Variants in NPR3 observed in about 807,000 individuals in gnomAD.
NPR3 encodes the protein natriuretic peptide receptor 3, also known as atrial natriuretic peptide receptor 3.
A neutral mutation model predicts 54.5 loss-of-function variants in NPR3; 34 were observed. That is an observed-to-expected ratio of 0.62 (90% CI 0.47 to 0.83). The LOEUF is 0.83. Ranked by LOEUF, NPR3 falls within the 40% of genes least tolerant of loss-of-function variation. The probability of loss-of-function intolerance (pLI) is 0.00; values close to 1 mark genes in which losing one functional copy is unlikely to be tolerated. For missense variants in NPR3, 674 were observed against 720.8 expected, an observed-to-expected ratio of 0.94 and a Z score of 0.74; for synonymous variants, 289 against 297.1, an observed-to-expected ratio of 0.97 and a Z score of 0.28.
At chr5:32,706,711 T>G (rs1409098588), upstream of NPR3, among the ~76,000 whole-genome samples, 1 of 152,234 alleles carries the variant, frequency 6.6e-6, no homozygotes, top group Non-Finnish European at 1.5e-5. Flanking sequence ...ATCTACCTTA[T>G]AGTCCTGATT....
chr5:32,790,473 T>G lies in NPR3; in HGVS notation c.*4128T>G, dbSNP rs1742852786. The G allele has an allele frequency of 6.0e-6, 1 of 166,956 alleles. No individual in the cohort carries two copies. The allele number at this position is 166,956 out of a possible 1,614,324, so 10.3% of individuals were successfully genotyped here. On this transcript the variant is annotated 3_prime_UTR_variant, in exon 8 of 8. Transcript: ENST00000265074. ...GGGAAGAAAGAGAAACTAGTGCTGG[T>G]TTTAAGAATGTAGCTGGCTTTTCAT...
upstream of NPR3, chr5:32,710,787 A>C (rs1241575781): frequency 4.6e-6 from 7 of 1,536,680 alleles, no homozygotes; most frequent in South Asian, 8.5e-5. Context: ...GAGAAAGGTG[A>C]GAGCAAGCGG....
At chr5:32,693,976 T>C (rs1740463624) in intron 1 of NPR3, among the ~76,000 whole-genome samples, 4 of 152,198 alleles carry the variant, frequency 2.6e-5, no homozygotes, top group Admixed American at 2.6e-4. Context: ...CCACTTTTAT[T>C]TTCACCCTTT....
chr5:32,749,829 T>C (rs776968336), intron 3 of NPR3, among the ~76,000 whole-genome samples: 1 of 152,196 alleles, frequency 6.6e-6, no homozygotes, highest in Non-Finnish European at 1.5e-5. Flanking sequence ...AACTAACGCC[T>C]TTTGCCTGGA....
intron 4 of NPR3, among the ~76,000 whole-genome samples, chr5:32,778,538 G>T (rs944913868): frequency 1.3e-5 from 2 of 152,198 alleles, no homozygotes; most frequent in Non-Finnish European, 2.9e-5. Context: ...TAAATGGCCT[G>T]GGAAGAAGCT....
chr5:32,719,940 T>C (rs1222307062), intron 1 of NPR3, among the ~76,000 whole-genome samples: 1 of 152,190 alleles, frequency 6.6e-6, no homozygotes, highest in African/African-American at 2.4e-5. Context: ...CTCTTTTCCT[T>C]CTAAATTTGT....
At chr5:32,757,584 C>T (rs1740914518) in intron 3 of NPR3, among the ~76,000 whole-genome samples, 1 of 152,064 alleles carries the variant, frequency 6.6e-6, no homozygotes, top group Non-Finnish European at 1.5e-5. Context: ...TAATTGAATA[C>T]CCTTTATTTC....
At chr5:32,724,080 T>C (rs1187734844) in intron 1 of NPR3, among the ~76,000 whole-genome samples, 2 of 152,208 alleles carry the variant, frequency 1.3e-5, no homozygotes, top group Non-Finnish European at 2.9e-5. Flanking sequence ...TTTACTTACA[T>C]AACCACAGCA....
chr5:32,757,207 T>C (rs1434175083), intron 3 of NPR3, among the ~76,000 whole-genome samples: 1 of 152,238 alleles, frequency 6.6e-6, no homozygotes, highest in Non-Finnish European at 1.5e-5. Flanking sequence ...TGTGGCCATT[T>C]TCACGATATT....
At chr5:32,718,552 G>T (rs1738677370) in intron 1 of NPR3, among the ~76,000 whole-genome samples, 2 of 152,114 alleles carry the variant, frequency 1.3e-5, no homozygotes, top group African/African-American at 4.8e-5. Context: ...AGTTGCTGAA[G>T]AGGTCCTTCA....
rs1742868168 is a variant in NPR3, at chr5:32,790,745, G to T, written c.*4400G>T. On this transcript the variant is annotated 3_prime_UTR_variant, in exon 8 of 8. Transcript: ENST00000265074. ...ACCAAATGCAAAGTATTCTAAACCA[G>T]CTGATGCTGTCAGTGTTCAAGTTTT... 6.0e-6 allele frequency: 1 copy of T among 167,000 alleles called. No individual in the cohort carries two copies. The highest frequency in any genetic ancestry group is 2.4e-5 in the African/African-American group (1 of 41,448). 10.3% of individuals were successfully genotyped at this position (167,000 alleles called of 1,614,324 possible). A position where few individuals can be genotyped will look rare whatever the true frequency, so the allele number is the denominator to read the frequency against.
upstream of NPR3, among the ~76,000 whole-genome samples, chr5:32,707,247 A>G (rs922564889): frequency 1.3e-5 from 2 of 152,188 alleles, no homozygotes; most frequent in Non-Finnish European, 2.9e-5. Flanking sequence ...AGAACCCCTT[A>G]AGGTCACATT....
At position 32,718,278 on chromosome 5, in the gene NPR3, C is replaced by T. The variant is rs549729881; in HGVS notation, c.769+5733C>T. Among the ~76,000 whole-genome samples, 5 of 152,274 alleles carry T rather than the reference C, an allele frequency of 3.3e-5. No individual in the cohort carries two copies. The South Asian group carries it at 6.2e-4, about 19-fold the overall frequency. On this transcript the variant is annotated intron_variant, in intron 1 of 7. Coordinates refer to ENST00000265074, the MANE Select transcript of NPR3 (RefSeq NM_001204375.2). ...TAGTTTGAAGTCAGGTAGCATGATG[C>T]CTATAACTTTGTTCTTTATGCTTAG...
intron 3 of NPR3, among the ~76,000 whole-genome samples, chr5:32,740,577 A>T (rs1739984246): frequency 6.6e-6 from 1 of 152,062 alleles, no homozygotes; most frequent in Non-Finnish European, 1.5e-5. Flanking sequence ...TATAGAATTT[A>T]AAATTTTCTA....
rs758314951 is a variant in NPR3 at position 32,789,513 on chromosome 5, C to T, written c.*3168C>T. The T allele has an allele frequency of 7.5e-6, 4 of 534,702 alleles. No homozygotes were observed. The highest frequency in any genetic ancestry group is 1.9e-5 in the Admixed American group (1 of 51,586). The allele number at this position is 534,702 out of a possible 1,614,324, so 33.1% of individuals were successfully genotyped here. A position where few individuals can be genotyped will look rare whatever the true frequency, so the allele number is the denominator to read the frequency against. The stretch of plus-strand genomic sequence containing the variant: ...TACTATAATTCTTCACATTTCAGAA[C>T]CCATGTTTAATGGAGGGAAGAGAGA... On this transcript the variant is annotated 3_prime_UTR_variant, in exon 8 of 8. Coordinates refer to ENST00000265074, the MANE Select transcript of NPR3 (RefSeq NM_001204375.2).
At chr5:32,714,576 T>C (rs955732288) in intron 1 of NPR3, among the ~76,000 whole-genome samples, 30 of 152,008 alleles carry the variant, frequency 2.0e-4, no homozygotes, top group African/African-American at 7.0e-4. Context: ...ATTTTACAAG[T>C]GATAAGGTTA....
Position 32,786,300 on chromosome 5 carries a change from G to A in NPR3, c.1581G>A (p.Arg527=). ...AAGAAAGTAACCTTGGAAAACATCG[G>A]GAATTACGGGAAGATTCCATCAGAT... is the stretch of plus-strand genomic sequence containing the variant. ...QQEESNLGKH[R]ELREDSIRSH... is the part of the protein sequence containing the mutation. Residue 527 remains arginine (R), a synonymous_variant, in exon 8 of 8, where the codon CGG becomes CGA. Transcript: ENST00000265074. 2 of 1,589,866 alleles carry A rather than the reference G, an allele frequency of 1.3e-6. No individual in the cohort carries two copies. Among genetic ancestry groups the A allele is most frequent in the Non-Finnish European group, 1.7e-6 (2 of 1,161,992 alleles).
At chr5:32,734,373 A>G (rs1171228167) in intron 2 of NPR3, among the ~76,000 whole-genome samples, 1 of 152,232 alleles carries the variant, frequency 6.6e-6, no homozygotes, top group Non-Finnish European at 1.5e-5. Flanking sequence ...ACTATGTGCT[A>G]GGTCCTTGGT....
chr5:32,716,734 T>G (rs1353579295), intron 1 of NPR3: 1 of 153,790 alleles, frequency 6.5e-6, no homozygotes, highest in East Asian at 1.9e-4. Context: ...TTTCCTTTTT[T>G]CCCCCTACCT....
Sources: allele counts gnomAD v4.1 joint callset (sites outside exome capture counted in the v4.1 genomes callset), GRCh38; gene constraint gnomAD v4.1.1; transcripts MANE v1.5; gene names NCBI Gene and HGNC (gene_info 2026-07-23, HGNC 2026-07-21).